Variants in RSRC1 observed in about 807,000 individuals in gnomAD.
RSRC1 encodes the protein serine/Arginine-related protein 53.
A neutral mutation model predicts 49.1 loss-of-function variants in RSRC1; 39 were observed. The observed-to-expected ratio is 0.79, with a 90% CI of 0.61 to 1.04. The LOEUF is 1.04. Ranked by LOEUF, RSRC1 falls within the 50% of genes least tolerant of loss-of-function variation. The pLI is 0.00. For missense variants in RSRC1, 388 were observed against 402.4 expected, an observed-to-expected ratio of 0.96 and a Z score of 0.31; for synonymous variants, 143 against 130.8, an observed-to-expected ratio of 1.09 and a Z score of -0.63.
chr3:158,153,440 C>G (rs1717674119), intron 3 of RSRC1, among the ~76,000 whole-genome samples: 1 of 152,140 alleles, frequency 6.6e-6, no homozygotes, highest in African/African-American at 2.4e-5. Context: ...CTCTTGCTAG[C>G]CACAATGTTT....
chr3:158,427,857 G>A (rs1199994381), intron 6 of RSRC1, among the ~76,000 whole-genome samples: 2 of 151,564 alleles, frequency 1.3e-5, no homozygotes, highest in Non-Finnish European at 3.0e-5. Flanking sequence ...GCCTATTGTT[G>A]AGTATTTATA....
At chr3:158,325,855 C>T (rs1009804940) in intron 5 of RSRC1, among the ~76,000 whole-genome samples, 2 of 152,150 alleles carry the variant, frequency 1.3e-5, no homozygotes, top group African/African-American at 2.4e-5. Flanking sequence ...TTCTTCCTAT[C>T]CATGAGCATG....
At chr3:158,257,345 A>C (rs1188248381) in intron 4 of RSRC1, among the ~76,000 whole-genome samples, 2 of 151,722 alleles carry the variant, frequency 1.3e-5, no homozygotes, top group Admixed American at 6.6e-5. Context: ...GTATATGTTT[A>C]TTTATAATTG....
intron 7 of RSRC1, among the ~76,000 whole-genome samples, chr3:158,519,684 A>G (rs967308113): frequency 1.3e-5 from 2 of 152,144 alleles, no homozygotes; most frequent in Non-Finnish European, 2.9e-5. Flanking sequence ...TAAATGAGTT[A>G]AGAGGCCAAT....
intron 7 of RSRC1, among the ~76,000 whole-genome samples, chr3:158,476,024 A>T (rs1232004598): frequency 6.6e-6 from 1 of 152,194 alleles, no homozygotes; most frequent in African/African-American, 2.4e-5. Flanking sequence ...CATATGAATG[A>T]TAAGAAAACA....
At chr3:158,456,604 T>C (rs1485324536) in intron 6 of RSRC1, among the ~76,000 whole-genome samples, 2 of 152,194 alleles carry the variant, frequency 1.3e-5, no homozygotes, top group African/African-American at 4.8e-5. Flanking sequence ...TTTTATCCAC[T>C]TGGGGACAAA....
chr3:158,505,174 GT>G (rs1156528371), intron 7 of RSRC1, among the ~76,000 whole-genome samples: 4 of 152,200 alleles, frequency 2.6e-5, no homozygotes, highest in Admixed American at 2.6e-4. Flanking sequence ...GTCACTGCCA[GT>G]TTTTTTATAG....
intron 3 of RSRC1, among the ~76,000 whole-genome samples, chr3:158,180,865 C>T (rs180722691): frequency 2.2e-5 from 3 of 136,690 alleles, no homozygotes; most frequent in East Asian, 2.2e-4. Context: ...AGTGCAATGG[C>T]GCAATCTCGG....
intron 7 of RSRC1, among the ~76,000 whole-genome samples, chr3:158,502,550 T>C (rs1181418261): frequency 6.6e-6 from 1 of 152,190 alleles, no homozygotes; most frequent in African/African-American, 2.4e-5. Flanking sequence ...TTGGAGGCTT[T>C]GTTCTTTTTT....
At chr3:158,466,135 G>A (rs536252241) in intron 7 of RSRC1, among the ~76,000 whole-genome samples, 100 of 152,132 alleles carry the variant, frequency 6.6e-4, no homozygotes, top group African/African-American at 2.0e-3. Context: ...CAGTTTCAGC[G>A]ATTCCAGTAA....
intron 4 of RSRC1, among the ~76,000 whole-genome samples, chr3:158,236,384 A>G (rs1308163399): frequency 6.6e-6 from 1 of 152,224 alleles, no homozygotes; most frequent in Non-Finnish European, 1.5e-5. Flanking sequence ...GATCTTACAT[A>G]TAGAATTCAG....
chr3:158,423,127 T>C (rs1735177246), intron 6 of RSRC1, among the ~76,000 whole-genome samples: 1 of 151,878 alleles, frequency 6.6e-6, no homozygotes, highest in Admixed American at 6.6e-5. Flanking sequence ...TTGCTTTTGG[T>C]GTTTTAGACA....
chr3:158,513,282 T>A (rs931988480), intron 7 of RSRC1, among the ~76,000 whole-genome samples: 2 of 151,510 alleles, frequency 1.3e-5, no homozygotes, highest in Non-Finnish European at 2.9e-5. Context: ...TATTTTGAAA[T>A]ACGTCCCATC....
intron 6 of RSRC1, among the ~76,000 whole-genome samples, chr3:158,355,946 A>G (rs1046273469): frequency 6.6e-6 from 1 of 151,840 alleles, no homozygotes; most frequent in Admixed American, 6.5e-5. Context: ...TTTCCTATAC[A>G]TACATACCTA....
At chr3:158,419,952 A>G (rs1482876953) in intron 6 of RSRC1, among the ~76,000 whole-genome samples, 1 of 151,816 alleles carries the variant, frequency 6.6e-6, no homozygotes, top group Non-Finnish European at 1.5e-5. Flanking sequence ...TAACTCAAAC[A>G]CATACATTTG....
intron 7 of RSRC1, among the ~76,000 whole-genome samples, chr3:158,518,251 G>T (rs1478672895): frequency 6.8e-6 from 1 of 146,752 alleles, no homozygotes; most frequent in African/African-American, 2.5e-5. Flanking sequence ...GTTTTAAAAA[G>T]CAAGATTGTG....
intron 5 of RSRC1, among the ~76,000 whole-genome samples, chr3:158,323,039 C>T (rs1728852159): frequency 6.6e-6 from 1 of 152,116 alleles, no homozygotes; most frequent in Non-Finnish European, 1.5e-5. Context: ...AGTGAGATCA[C>T]ATTTCCACAC....
chr3:158,230,863 G>A (rs1373588597), intron 4 of RSRC1, among the ~76,000 whole-genome samples: 1 of 151,992 alleles, frequency 6.6e-6, no homozygotes, highest in Non-Finnish European at 1.5e-5. Context: ...AATACAAAAA[G>A]CATGACATGA....
intron 6 of RSRC1, among the ~76,000 whole-genome samples, chr3:158,433,726 T>C (rs1422426496): frequency 1.3e-5 from 2 of 151,914 alleles, no homozygotes; most frequent in Non-Finnish European, 2.9e-5. Context: ...TGTCCAAATA[T>C]CTAAAAACAA....
Sources: allele counts gnomAD v4.1 joint callset (sites outside exome capture counted in the v4.1 genomes callset), GRCh38; gene constraint gnomAD v4.1.1; transcripts MANE v1.5; gene names NCBI Gene and HGNC (gene_info 2026-07-23, HGNC 2026-07-21).